Variants in FAM13A observed in about 807,000 individuals in gnomAD.
FAM13A encodes family with sequence similarity 13 member A.
FAM13A carries 76 observed loss-of-function variants against 129.6 expected under a neutral mutation model. The ratio of observed to expected loss-of-function variants is 0.59; its 90% confidence interval spans 0.49 to 0.71. FAM13A has a LOEUF of 0.71. Among genes scored for constraint, FAM13A ranks in the 30% least tolerant of loss-of-function variants. The pLI is 0.00. For synonymous variants in FAM13A, 443 were observed against 449.9 expected (o/e 0.98, Z 0.20); for missense variants, 1,108 against 1,249.3 (o/e 0.89, Z 1.70).
intron 1 of FAM13A, among the ~76,000 whole-genome samples, chr4:89,042,060 T>C (rs1242262945): frequency 6.9e-6 from 1 of 145,286 alleles, no homozygotes; most frequent in Non-Finnish European, 1.5e-5. Context: ...CAGCCTTCAT[T>C]GCAGCACATC....
intron 4 of FAM13A, among the ~76,000 whole-genome samples, chr4:88,956,909 G>A (rs1335508294): frequency 6.6e-6 from 1 of 152,300 alleles, no homozygotes; most frequent in Non-Finnish European, 1.5e-5. Context: ...AACCCCAAAT[G>A]TTGGAGGTAG....
chr4:88,984,898 TA>T (rs1762054652), intron 4 of FAM13A, among the ~76,000 whole-genome samples: 1 of 152,196 alleles, frequency 6.6e-6, no homozygotes, highest in Non-Finnish European at 1.5e-5. Context: ...CTCAAAATTT[TA>T]AACAGTTACC....
At chr4:88,957,265 G>T (rs185580476) in intron 4 of FAM13A, among the ~76,000 whole-genome samples, 7 of 152,154 alleles carry the variant, frequency 4.6e-5, no homozygotes, top group Non-Finnish European at 4.4e-5. Context: ...GGTGGAGGTT[G>T]CAGTGAGCTG....
chr4:88,923,901 C>T (rs1191186302), intron 5 of FAM13A, among the ~76,000 whole-genome samples: 3 of 152,100 alleles, frequency 2.0e-5, no homozygotes, highest in African/African-American at 4.8e-5. Context: ...CATTCTTATA[C>T]ACCAGTAACA....
intron 7 of FAM13A, chr4:88,823,051 G>A (rs757853200): frequency 6.2e-6 from 10 of 1,611,736 alleles, no homozygotes; most frequent in African/African-American, 2.7e-5. Flanking sequence ...TCTCTTCCAC[G>A]GCAAGTTTGG....
At chr4:88,836,518 T>C (rs1011548230) in intron 7 of FAM13A, among the ~76,000 whole-genome samples, 18 of 152,234 alleles carry the variant, frequency 1.2e-4, no homozygotes, top group African/African-American at 4.1e-4. Context: ...ACAGTCAAGC[T>C]TTCTAAAATA....
At chr4:88,875,671 G>A (rs1484994178) in intron 6 of FAM13A, among the ~76,000 whole-genome samples, 1 of 152,174 alleles carries the variant, frequency 6.6e-6, no homozygotes, top group Non-Finnish European at 1.5e-5. Context: ...GGAGAAATAG[G>A]AACACTTTTA....
intron 3 of FAM13A, among the ~76,000 whole-genome samples, chr4:88,998,822 G>A (rs912941636): frequency 6.6e-6 from 1 of 151,502 alleles, no homozygotes; most frequent in South Asian, 2.1e-4. Flanking sequence ...GGAGTGATGA[G>A]AAGCTTATAT....
chr4:88,844,491 C>CA (rs1578922780), intron 7 of FAM13A, among the ~76,000 whole-genome samples: 2 of 152,096 alleles, frequency 1.3e-5, no homozygotes. Context: ...GTGATATAGC[C>CA]AAAAAATGTT....
chr4:89,043,319 T>C (rs912484085), intron 1 of FAM13A, among the ~76,000 whole-genome samples: 1 of 151,978 alleles, frequency 6.6e-6, no homozygotes, highest in African/African-American at 2.4e-5. Flanking sequence ...GGGAGGCAAG[T>C]TTATGAAGAA....
intron 10 of FAM13A, among the ~76,000 whole-genome samples, chr4:88,781,937 A>G (rs917091480): frequency 4.0e-5 from 6 of 151,600 alleles, no homozygotes; most frequent in African/African-American, 4.8e-5. Flanking sequence ...ACATGTATAC[A>G]TATGTAACAA....
At chr4:88,910,027 G>T (rs1305853726) in intron 5 of FAM13A, among the ~76,000 whole-genome samples, 1 of 152,176 alleles carries the variant, frequency 6.6e-6, no homozygotes, top group Non-Finnish European at 1.5e-5. Context: ...AAAAAGTTTG[G>T]AGGGGGATGT....
At chr4:88,836,824 G>A (rs1050549063) in intron 7 of FAM13A, among the ~76,000 whole-genome samples, 2 of 151,810 alleles carry the variant, frequency 1.3e-5, no homozygotes, top group African/African-American at 4.8e-5. Context: ...GCCGGGCATG[G>A]TGGCGGGTGT....
intron 6 of FAM13A, among the ~76,000 whole-genome samples, chr4:88,886,095 G>GAA (rs1224331959): frequency 2.0e-5 from 3 of 152,162 alleles, no homozygotes; most frequent in Admixed American, 2.0e-4. Flanking sequence ...AACTACTATG[G>GAA]AAAACAGTGT....
chr4:89,007,344 T>G (rs1765183158), intron 3 of FAM13A, among the ~76,000 whole-genome samples: 1 of 152,150 alleles, frequency 6.6e-6, no homozygotes, highest in African/African-American at 2.4e-5. Flanking sequence ...CCAGTTACCA[T>G]GTTAAGATAA....
At chr4:88,873,271 G>C in intron 6 of FAM13A, among the ~76,000 whole-genome samples, 1 of 151,890 alleles carries the variant, frequency 6.6e-6, no homozygotes. Context: ...CTAGCAGAAG[G>C]CAAGAAATAA....
At chr4:88,787,236 T>G (rs1301164308) in intron 10 of FAM13A, among the ~76,000 whole-genome samples, 2 of 152,160 alleles carry the variant, frequency 1.3e-5, no homozygotes, top group African/African-American at 4.8e-5. Context: ...AATAAACAAC[T>G]TAAGCTTTTC....
At chr4:89,031,288 G>T (rs1238240811) in intron 1 of FAM13A, among the ~76,000 whole-genome samples, 1 of 152,004 alleles carries the variant, frequency 6.6e-6, no homozygotes, top group East Asian at 1.9e-4. Flanking sequence ...TTTCAGTGTA[G>T]CATTAAAAAC....
At chr4:88,835,826 G>C (rs572831075) in intron 7 of FAM13A, among the ~76,000 whole-genome samples, 1 of 152,014 alleles carries the variant, frequency 6.6e-6, no homozygotes, top group Non-Finnish European at 1.5e-5. Flanking sequence ...ATAAAGATGA[G>C]GCTTCACTCA....
Sources: gnomAD v4.1 joint callset for allele counts (sites outside exome capture counted in the v4.1 genomes callset) on GRCh38, gnomAD v4.1.1 for gene constraint, MANE v1.5 for transcripts, NCBI Gene and HGNC (gene_info 2026-07-23, HGNC 2026-07-21) for gene names.